The following RPS6KA2 variants were observed in gnomAD, a reference collection of about 807,000 sequenced individuals.
The protein encoded by RPS6KA2 is ribosomal protein S6 kinase alpha-2.
A neutral mutation model predicts 91.8 loss-of-function variants in RPS6KA2; 42 were observed. That is an observed-to-expected ratio of 0.46 (90% confidence interval 0.36 to 0.59). The LOEUF (loss-of-function observed/expected upper bound fraction) is 0.59. Among genes scored for constraint, RPS6KA2 ranks in the 20% least tolerant of loss-of-function variants. RPS6KA2 has a pLI of 0.00. For missense variants in RPS6KA2, 798 were observed against 978.5 expected (o/e 0.82, Z 2.46); for synonymous variants, 414 against 393.6 (o/e 1.05, Z -0.61).
At chr6:166,513,016 G>A (rs1033285842) in intron 3 of RPS6KA2, among the ~76,000 whole-genome samples, 3 of 152,052 alleles carry the variant, frequency 2.0e-5, no homozygotes, top group African/African-American at 4.8e-5. Flanking sequence ...GACTTCCTGG[G>A]CCACACCGGA....
At chr6:166,755,843 G>T (rs1389543682) in intron 2 of RPS6KA2, among the ~76,000 whole-genome samples, 1 of 152,218 alleles carries the variant, frequency 6.6e-6, no homozygotes, top group African/African-American at 2.4e-5. Flanking sequence ...ACTCAGGGCT[G>T]AGCTGGGTAA....
At chr6:166,567,477 A>T (rs1354202552) in intron 1 of RPS6KA2, among the ~76,000 whole-genome samples, 1 of 152,232 alleles carries the variant, frequency 6.6e-6, no homozygotes, top group African/African-American at 2.4e-5. Context: ...CAAAGTTTTG[A>T]TTAATTTCCC....
intron 2 of RPS6KA2, among the ~76,000 whole-genome samples, chr6:166,741,508 T>C (rs79027403): frequency 0.012 from 1,823 of 152,358 alleles, 35 homozygotes; most frequent in African/African-American, 0.04. Context: ...TAAATAAATA[T>C]TAAACCGGCA....
rs372289516 is a variant in RPS6KA2, at chr6:166,515,286, C to T, written c.299-4929G>A. Among the ~76,000 whole-genome samples the T allele has an allele frequency of 1.1e-4, 17 of 152,228 alleles. No homozygotes were observed. The East Asian group carries it at 3.1e-3, about 28-fold the overall frequency. Reference sequence around the variant, plus strand: ...CTGGTGGAGTTGCATGACTCATGGCCGATTCATCAGGGACGATGTGATGAG... The same window carrying T: ...CTGGTGGAGTTGCATGACTCATGGCTGATTCATCAGGGACGATGTGATGAG... On this transcript the variant is annotated intron_variant, in intron 3 of 20. Transcript: ENST00000265678.
intron 5 of RPS6KA2, among the ~76,000 whole-genome samples, chr6:166,505,820 A>G (rs1056165638): frequency 1.3e-5 from 2 of 151,974 alleles, no homozygotes; most frequent in African/African-American, 2.4e-5. Flanking sequence ...TCTTTTCTAG[A>G]TCGGTTAAGG....
At chr6:166,651,664 G>A (rs1488614309) in intron 2 of RPS6KA2, among the ~76,000 whole-genome samples, 1 of 152,220 alleles carries the variant, frequency 6.6e-6, no homozygotes, top group African/African-American at 2.4e-5. Flanking sequence ...CACTAATCTT[G>A]TTTAGAATCC....
intron 3 of RPS6KA2, among the ~76,000 whole-genome samples, chr6:166,514,615 G>C (rs147709447): frequency 6.6e-6 from 1 of 152,198 alleles, no homozygotes; most frequent in Non-Finnish European, 1.5e-5. Flanking sequence ...GGAGCCAAGA[G>C]ACCATGGACA....
chr6:166,414,072 T>C (rs778484046), intron 19 of RPS6KA2, 141 bp from the exon 20 acceptor site: 39 of 653,550 alleles, frequency 6.0e-5, no homozygotes, highest in Non-Finnish European at 9.2e-5. Context: ...TTTGGGGTCA[T>C]GTTCACTTTC....
chr6:166,770,753 G>T lies in RPS6KA2; in HGVS notation c.123+87447C>A. 9.5e-7 allele frequency: 1 copy of T among 1,056,588 alleles called. No homozygotes were observed. Among genetic ancestry groups the T allele is most frequent in the Non-Finnish European group, 1.4e-6 (1 of 727,728 alleles). 65.5% of individuals were successfully genotyped at this position (1,056,588 alleles called of 1,614,324 possible). A position where few individuals can be genotyped will look rare whatever the true frequency, so the allele number is the denominator to read the frequency against. Reference sequence around the variant, plus strand: ...TCGCACCTTGCCTTGCTGGACTCCGGGCACCGTGAAACAACTCAATAAATT... The same window carrying T: ...TCGCACCTTGCCTTGCTGGACTCCGTGCACCGTGAAACAACTCAATAAATT... On this transcript the variant is annotated intron_variant, in intron 2 of 21. Transcript: ENST00000503859. The surrounding 1 kb of genome is among the most constrained non-coding windows in gnomAD (Gnocchi z 5.1).
Position 166,423,128 on chromosome 6 carries a change from C to T in RPS6KA2, c.1743+128G>A. 1 of 919,124 alleles carries T rather than the reference C, an allele frequency of 1.1e-6. No individual in the cohort carries two copies. The highest frequency in any genetic ancestry group is 2.7e-5 in the Admixed American group (1 of 36,532). The allele number at this position is 919,124 out of a possible 1,614,324, so 56.9% of individuals were successfully genotyped here. ...ACTGAAGGTTCTCGTTTCTGTTTCC[C>T]AACACCACTGCTGACGCAGCTCAAG... On this transcript the variant is annotated intron_variant, in intron 17 of 20. Transcript: ENST00000265678. The surrounding 1 kb of genome is among the most constrained non-coding windows in gnomAD (Gnocchi z 4.8).
intron 1 of RPS6KA2, among the ~76,000 whole-genome samples, chr6:166,547,863 G>A (rs992875027): frequency 8.5e-5 from 13 of 152,350 alleles, no homozygotes; most frequent in African/African-American, 2.9e-4. Flanking sequence ...CAGAAAGCCT[G>A]CTTCTATTCT....
rs1787753990 is a variant in RPS6KA2, at chr6:166,648,753, G to A, written c.124-109969C>T. The stretch of plus-strand genomic sequence containing the variant: ...GTGATTACTCCGGCGTCTGCATCTC[G>A]TCCTGAGGTCCTGAACTTTGGGATG... On this transcript the variant is annotated intron_variant, in intron 2 of 21. Transcript: ENST00000503859. This position sits in a 1 kb window ranked among gnomAD's most constrained non-coding sequence, Gnocchi z 4.8. Among the ~76,000 whole-genome samples, 3 of 152,046 alleles carry A rather than the reference G, an allele frequency of 2.0e-5. No individual in the cohort carries two copies. The highest frequency in any genetic ancestry group is 2.1e-4 in the South Asian group (1 of 4,818).
At chr6:166,673,013 C>T (rs1244728912) in intron 2 of RPS6KA2, among the ~76,000 whole-genome samples, 3 of 152,134 alleles carry the variant, frequency 2.0e-5, no homozygotes, top group African/African-American at 7.2e-5. Context: ...TCTGGGTGGG[C>T]CCCCGAGCCC....
intron 11 of RPS6KA2, among the ~76,000 whole-genome samples, chr6:166,465,840 CTT>C (rs1780499215): frequency 6.6e-6 from 1 of 152,242 alleles, no homozygotes. Flanking sequence ...GACATGGACA[CTT>C]TGCTGGTGCA....
intron 2 of RPS6KA2, among the ~76,000 whole-genome samples, chr6:166,748,473 G>A (rs1289354700): frequency 6.6e-6 from 1 of 151,846 alleles, no homozygotes; most frequent in Non-Finnish European, 1.5e-5. Context: ...ATGCCGGTGC[G>A]GGGCTGGAGG....
At chr6:166,660,409 T>C (rs1026791729) in intron 2 of RPS6KA2, among the ~76,000 whole-genome samples, 3 of 151,418 alleles carry the variant, frequency 2.0e-5, no homozygotes, top group African/African-American at 7.3e-5. Context: ...TGTGTGTGTG[T>C]GTGTGTGTGT....
At chr6:166,794,025 G>T (rs892466112) in intron 2 of RPS6KA2, among the ~76,000 whole-genome samples, 4 of 139,758 alleles carry the variant, frequency 2.9e-5, no homozygotes, top group African/African-American at 1.0e-4. Flanking sequence ...AAACTAAAGA[G>T]CTTCTGCACA....
intron 2 of RPS6KA2, among the ~76,000 whole-genome samples, chr6:166,728,023 T>C (rs1336901316): frequency 6.6e-6 from 1 of 152,246 alleles, no homozygotes; most frequent in East Asian, 1.9e-4. Flanking sequence ...AACAATATGG[T>C]ATAGCAACTA....
chr6:166,531,940 T>A (rs1287639663), intron 2 of RPS6KA2, among the ~76,000 whole-genome samples: 1 of 152,060 alleles, frequency 6.6e-6, no homozygotes, highest in East Asian at 1.9e-4. Context: ...AGTGATTTTT[T>A]AACAAACTTA....
Sources: gnomAD v4.1 joint callset for allele counts (sites outside exome capture counted in the v4.1 genomes callset) on GRCh38, gnomAD v4.1.1 for gene constraint, Gnocchi (gnomAD v3.1) non-coding constraint, MANE v1.5 for transcripts, NCBI Gene and HGNC (gene_info 2026-07-23, HGNC 2026-07-21) for gene names.